The following MGST1 variants were observed in gnomAD, a reference collection of about 807,000 sequenced individuals.
The protein encoded by MGST1 is microsomal glutathione S-transferase 1.
In MGST1, 5 loss-of-function variants were observed where a neutral mutation model predicts 8.9. That is an observed-to-expected ratio of 0.56 (90% CI 0.29 to 1.19). The LOEUF (loss-of-function observed/expected upper bound fraction) is 1.19, where lower values mean the gene tolerates loss of function less well. Ranked by LOEUF, MGST1 falls within the 50% of genes most tolerant of loss-of-function variation. MGST1 has a pLI of 0.08. For synonymous variants in MGST1, 54 were observed against 67.8 expected, an observed-to-expected ratio of 0.80 and a Z score of 1.00; for missense variants, 182 against 187.4, an observed-to-expected ratio of 0.97 and a Z score of 0.17.
intron 1 of MGST1, among the ~76,000 whole-genome samples, chr12:16,390,673 G>A (rs1940543803): frequency 6.6e-6 from 1 of 151,900 alleles, no homozygotes; most frequent in South Asian, 2.1e-4. Flanking sequence ...ATCATTCCAT[G>A]GTGTATATGT....
Position 16,552,979 on chromosome 12 carries a change from G to A in MGST1, n.483-36549G>A, listed in dbSNP as rs141866149. ...TATGATAATTGAAAATAAAACTTTGGTTTTTAATACCTGTGACATCAGTCG... is the reference window on the plus strand; with the variant it reads ...TATGATAATTGAAAATAAAACTTTGATTTTTAATACCTGTGACATCAGTCG... On this transcript the variant is annotated intron_variant and non_coding_transcript_variant, in intron 4 of 4. Transcript: ENST00000538857. 3.3e-5 allele frequency among the ~76,000 whole-genome samples: 5 copies of A among 152,146 alleles called. No homozygotes were observed. The East Asian group carries it at 9.6e-4, about 29-fold the overall frequency.
At chr12:16,496,863 T>A (rs1405833649) in intron 4 of MGST1, among the ~76,000 whole-genome samples, 1 of 151,752 alleles carries the variant, frequency 6.6e-6, no homozygotes, top group Non-Finnish European at 1.5e-5. Flanking sequence ...GGAAAAAAAA[T>A]AAAAAGAAAA....
chr12:16,527,817 G>C (rs1484652246), intron 4 of MGST1, among the ~76,000 whole-genome samples: 2 of 151,876 alleles, frequency 1.3e-5, no homozygotes, highest in African/African-American at 2.4e-5. Flanking sequence ...GCTAATCCTG[G>C]AAACTGAAGT....
At chr12:16,492,630 G>A (rs1403610426) in intron 4 of MGST1, among the ~76,000 whole-genome samples, 1 of 152,122 alleles carries the variant, frequency 6.6e-6, no homozygotes, top group African/African-American at 2.4e-5. Context: ...CTTTTCTGGA[G>A]TGATAATACT....
rs1451910142 is a variant in MGST1 at position 16,500,980 on chromosome 12, C to T, written n.483-88548C>T. 6.6e-6 allele frequency among the ~76,000 whole-genome samples: 1 copy of T among 151,658 alleles called. No individual in the cohort carries two copies. Among genetic ancestry groups the T allele is most frequent in the Non-Finnish European group, 1.5e-5 (1 of 67,948 alleles). ...ACTTAGCTGGGTATGGTGGTGTGCA[C>T]CTGTAGTCCCAGCTACTTGGTAGCC... is the stretch of plus-strand genomic sequence containing the variant. On this transcript the variant is annotated intron_variant and non_coding_transcript_variant, in intron 4 of 4. Coordinates refer to the MGST1 transcript ENST00000538857. This position sits in a 1 kb window ranked among gnomAD's most constrained non-coding sequence, Gnocchi z 4.3.
chr12:16,573,855 C>T (rs1454658556), intron 4 of MGST1: 1 of 152,204 alleles, frequency 6.6e-6, no homozygotes, highest in East Asian at 1.9e-4. Context: ...AGATTGACGT[C>T]GCCAAATCAC....
intron 3 of MGST1, among the ~76,000 whole-genome samples, chr12:16,360,134 G>A (rs886138652): frequency 6.6e-6 from 1 of 152,156 alleles, no homozygotes; most frequent in African/African-American, 2.4e-5. Context: ...GTCTCCAACA[G>A]AGCGGAGTTT....
downstream of MGST1, among the ~76,000 whole-genome samples, chr12:16,366,670 C>CAT (rs1940197932): frequency 1.1e-5 from 1 of 94,692 alleles, no homozygotes; most frequent in East Asian, 6.3e-4. The surrounding 1 kb of genome is among the most constrained non-coding windows in gnomAD (Gnocchi z 4.0). Context: ...CACACATACA[C>CAT]ACACACATAC....
chr12:16,370,671 A>C (rs1361489095), intron 3 of MGST1, among the ~76,000 whole-genome samples: 3 of 152,170 alleles, frequency 2.0e-5, no homozygotes, highest in South Asian at 2.1e-4. Context: ...TGATTCTAAT[A>C]ATAGTTTTGC....
intron 3 of MGST1, among the ~76,000 whole-genome samples, chr12:16,370,657 G>T (rs1320650653): frequency 6.6e-6 from 1 of 152,124 alleles, no homozygotes; most frequent in Non-Finnish European, 1.5e-5. Flanking sequence ...CTGGATCCTA[G>T]AATTGATTCT....
rs75126719 is a variant in MGST1 at position 16,517,967 on chromosome 12, C to G, written n.483-71561C>G. On this transcript the variant is annotated intron_variant and non_coding_transcript_variant, in intron 4 of 4. Transcript: ENST00000538857. The surrounding 1 kb of genome is among the most constrained non-coding windows in gnomAD (Gnocchi z 4.2). The stretch of plus-strand genomic sequence containing the variant: ...GTTCTTCACACCCAAGGACCAGACA[C>G]TAGGCAGTGATACATTCACCAAAGT... 7.4e-3 allele frequency among the ~76,000 whole-genome samples: 1,129 copies of G among 152,282 alleles called. 18 individuals are homozygous for G. The highest frequency in any genetic ancestry group is 0.026 in the African/African-American group (1,081 of 41,558).
rs1282882121 is a variant in MGST1, at chr12:16,560,088, T to G, written n.483-29440T>G. Among the ~76,000 whole-genome samples the G allele has an allele frequency of 6.6e-6, 1 of 152,144 alleles. No individual in the cohort carries two copies. The highest frequency in any genetic ancestry group is 1.5e-5 in the Non-Finnish European group (1 of 68,014). ...CCAATTTATTTACTCACATAAGTAG[T>G]ATAAAAAAGTAGATATTTAAAACTA... On this transcript the variant is annotated intron_variant and non_coding_transcript_variant, in intron 4 of 4. Coordinates refer to the MGST1 transcript ENST00000538857. This position sits in a 1 kb window ranked among gnomAD's most constrained non-coding sequence, Gnocchi z 5.0.
chr12:16,363,588 A>C lies in MGST1; in HGVS notation c.222-207A>C. 1 of 380,160 alleles carries C rather than the reference A, an allele frequency of 2.6e-6. No homozygotes were observed. Among genetic ancestry groups the C allele is most frequent in the Non-Finnish European group, 4.6e-6 (1 of 217,236 alleles). The allele number at this position is 380,160 out of a possible 1,614,324, so 23.5% of individuals were successfully genotyped here. On this transcript the variant is annotated intron_variant, in intron 3 of 3. Transcript: ENST00000396210. The surrounding 1 kb of genome is among the most constrained non-coding windows in gnomAD (Gnocchi z 4.6). ...TCTGTGATATTTAAAGATACACTAA[A>C]AATAAAAAGAAACAGAAATAATGAG... is the stretch of plus-strand genomic sequence containing the variant.
At chr12:16,510,474 AC>A (rs1219070971) in intron 4 of MGST1, among the ~76,000 whole-genome samples, 1 of 152,238 alleles carries the variant, frequency 6.6e-6, no homozygotes, top group East Asian at 1.9e-4. Context: ...CTATGCCTTA[AC>A]ACATTGTAAT....
chr12:16,362,514 A>G lies in MGST1; in HGVS notation c.222-1281A>G, dbSNP rs532127225. On this transcript the variant is annotated intron_variant, in intron 3 of 3. Transcript: ENST00000396210. The surrounding 1 kb of genome is among the most constrained non-coding windows in gnomAD (Gnocchi z 4.4). ...TATGCTTATTGCTATAGAAGAGAGT[A>G]ACGTAAAGCAGAAATAGTTTTCATT... 2.2e-4 allele frequency: 33 copies of G among 152,322 alleles called. No homozygotes were observed. The highest frequency in any genetic ancestry group is 7.7e-4 in the African/African-American group (32 of 41,576). 9.4% of individuals were successfully genotyped at this position (152,322 alleles called of 1,614,324 possible). A position where few individuals can be genotyped will look rare whatever the true frequency, so the allele number is the denominator to read the frequency against.
chr12:16,357,374 C>T (rs1280132754), intron 2 of MGST1: 3 of 391,680 alleles, frequency 7.7e-6, no homozygotes, highest in Non-Finnish European at 4.5e-6. Flanking sequence ...ATCCTCCAAC[C>T]TCAACCTCCT....
At chr12:16,405,214 A>G (rs575007322) in intron 1 of MGST1, among the ~76,000 whole-genome samples, 24 of 152,192 alleles carry the variant, frequency 1.6e-4, no homozygotes, top group African/African-American at 5.8e-4. Flanking sequence ...ATACACACAC[A>G]AAAGAAAATT....
At position 16,413,942 on chromosome 12, in the gene MGST1, GCTTA is replaced by G. The variant is rs1271710107; in HGVS notation, n.779-23442_779-23439del. ...TTCTTCTTACAAACATAATATTAAG[GCTTA>G]CTTTCTGCAAAATTTAGAAAATTCA... On this transcript the variant is annotated intron_variant and non_coding_transcript_variant, in intron 1 of 1. Transcript: ENST00000359720. This position sits in a 1 kb window ranked among gnomAD's most constrained non-coding sequence, Gnocchi z 4.0. Among the ~76,000 whole-genome samples the G allele has an allele frequency of 6.6e-6, 1 of 151,872 alleles. No homozygotes were observed.
downstream of MGST1, among the ~76,000 whole-genome samples, chr12:16,440,172 C>T (rs1941027144): frequency 6.6e-6 from 1 of 151,598 alleles, no homozygotes; most frequent in Non-Finnish European, 1.5e-5. Context: ...CAATGGTGAA[C>T]ACATTGTAAG....
Sources: gnomAD v4.1 joint callset for allele counts (sites outside exome capture counted in the v4.1 genomes callset) on GRCh38, gnomAD v4.1.1 for gene constraint, Gnocchi (gnomAD v3.1) non-coding constraint, MANE v1.5 for transcripts, NCBI Gene and HGNC (gene_info 2026-07-23, HGNC 2026-07-21) for gene names.